BRWD3: variants seen among roughly 807,000 people sequenced by gnomAD.
BRWD3 encodes bromodomain and WD repeat-containing protein 3.
BRWD3 carries 10 observed loss-of-function variants against 149.7 expected under a neutral mutation model. The observed-to-expected ratio is 0.07, with a 90% CI of 0.04 to 0.11. BRWD3 has a LOEUF of 0.11. Among genes scored for constraint, BRWD3 ranks in the 10% least tolerant of loss-of-function variants. The pLI, the probability that BRWD3 is intolerant of heterozygous loss-of-function variation, is 1.00. For missense variants in BRWD3, 940 were observed against 1,373.2 expected, an observed-to-expected ratio of 0.68 and a Z score of 4.99; for synonymous variants, 504 against 456.7, an observed-to-expected ratio of 1.10 and a Z score of -1.32.
Position 80,745,693 on chromosome X carries a change from C to T in BRWD3, c.467G>A (p.Ser156Asn). Residue 156 changes from serine (S) to asparagine (N), a missense_variant, in exon 7 of 41, where the codon AGT (serine) becomes AAT (asparagine). By Grantham distance (46) the Ser-to-Asn change is conservative (BLOSUM62 1). Around this residue, in one of 6 missense-constraint regions of BRWD3, gnomAD observed 105 missense variants for 127.7 expected, o/e 0.82. Transcript: ENST00000373275. The stretch of plus-strand genomic sequence containing the variant: ...TGAAGGGAAAATATGACCAAAGCGA[C>T]TACAGCCGGTTAATTGCCTGGCAGA... ...ITSARQLTGC[S>N]RFGHIFPSSA... 1 of 1,208,817 alleles carries T rather than the reference C, an allele frequency of 8.3e-7. No homozygotes were observed. The highest frequency in any genetic ancestry group is 3.0e-5 in the East Asian group (1 of 33,643).
At chrX:80,737,486 C>T (rs775879537) in intron 8 of BRWD3, among the ~76,000 whole-genome samples, 5 of 111,618 alleles carry the variant, frequency 4.5e-5, no homozygotes, top group African/African-American at 9.8e-5. Flanking sequence ...GCAGAATCTA[C>T]GGATACAAAG....
At chrX:80,809,394 GC>G (rs752032544) in intron 1 of BRWD3, 46 bp downstream of exon 1, 2 of 1,115,000 alleles carry the variant, frequency 1.8e-6, no homozygotes, top group South Asian at 3.8e-5. Context: ...TTCGCGCTAA[GC>G]CCCCATTCCC....
chrX:80,768,092 A>C (rs1368116426), intron 6 of BRWD3, among the ~76,000 whole-genome samples: 1 of 111,887 alleles, frequency 8.9e-6, no homozygotes, highest in Non-Finnish European at 1.9e-5. Flanking sequence ...AAAAGACCAA[A>C]TCTACGTCTG....
At chrX:80,809,098 T>A (rs2074382562) in intron 2 of BRWD3, 56 bp from the exon 3 acceptor site, 1 of 1,161,400 alleles carries the variant, frequency 8.6e-7, no homozygotes, top group Non-Finnish European at 1.2e-6. Context: ...AACCCATTCC[T>A]CCCTCCACAC....
rs745662093 is a variant in BRWD3 at position 80,773,083 on chromosome X, C to G, written c.430+18771G>C. On this transcript the variant is annotated intron_variant, in intron 6 of 40. Coordinates refer to ENST00000373275, the MANE Select transcript of BRWD3 (RefSeq NM_153252.5). ...TTGACAAGATGGGGTAGGGGAGTCA[C>G]GCAGGAGGGAAGCCGATGTGGTTAT... Among the ~76,000 whole-genome samples, 3 of 111,855 alleles carry G rather than the reference C, an allele frequency of 2.7e-5. No individual in the cohort carries two copies. The Admixed American group carries it at 2.9e-4, about 11-fold the overall frequency.
At chrX:80,745,260 A>C (rs774567676) in intron 7 of BRWD3, among the ~76,000 whole-genome samples, 4 of 111,841 alleles carry the variant, frequency 3.6e-5, no homozygotes, top group South Asian at 7.4e-4. Flanking sequence ...ACATTTAATA[A>C]ATGTTTGTTA....
intron 4 of BRWD3, 132 bp from the exon 5 acceptor site, chrX:80,793,904 C>T (rs981713446): frequency 6.5e-5 from 46 of 704,413 alleles, no homozygotes; most frequent in Middle Eastern, 4.8e-4. Context: ...CAGGCCTGGG[C>T]GCGATGGCTC....
intron 3 of BRWD3, 120 bp from the exon 4 acceptor site, chrX:80,808,718 C>T (rs1483634455): frequency 1.8e-6 from 1 of 553,046 alleles, no homozygotes; most frequent in East Asian, 3.8e-5. Flanking sequence ...GTCTTTATTT[C>T]TCTCGGCCTG....
At chrX:80,744,381 C>T (rs1301353186) in intron 7 of BRWD3, 128 bp from the exon 8 acceptor site, 1 of 498,349 alleles carries the variant, frequency 2.0e-6, no homozygotes, top group African/African-American at 2.4e-5. Context: ...CTCCTCTCTA[C>T]ATATAATAGG....
chrX:80,758,691 A>G (rs1464836245), intron 6 of BRWD3, among the ~76,000 whole-genome samples: 1 of 110,954 alleles, frequency 9.0e-6, no homozygotes, highest in African/African-American at 3.3e-5. Context: ...CTGTAGTCTC[A>G]GCTACTCAGA....
At chrX:80,767,821 A>T (rs2073883314) in intron 6 of BRWD3, among the ~76,000 whole-genome samples, 1 of 111,731 alleles carries the variant, frequency 9.0e-6, no homozygotes, top group South Asian at 3.8e-4. Flanking sequence ...CAAGGAAGCT[A>T]AAAACTTTGA....
rs755270226 is a variant in BRWD3 at position 80,681,368 on chromosome X, G to A, written c.4627C>T (p.Arg1543Trp). 1.8e-5 allele frequency: 22 copies of A among 1,210,197 alleles called. No individual in the cohort carries two copies. Among genetic ancestry groups the A allele is most frequent in the East Asian group, 5.9e-5 (2 of 33,776 alleles). Residue 1543 changes from arginine to tryptophan, a missense_variant, in exon 40 of 41, where the codon CGG (arginine) becomes TGG (tryptophan). Arg to Trp is a moderately radical substitution (Grantham distance 101). Transcript: ENST00000373275. ...SHDPGKAKSFRNRVLPVKQDH... is the reference protein window; with the variant it reads ...SHDPGKAKSFWNRVLPVKQDH... ...TGTTTAACTGGCAAAACTCTATTCC[G>A]AAATGATTTGGCTTTCCCTGGGTCA...
chrX:80,798,841 T>C (rs1413617919), intron 4 of BRWD3, among the ~76,000 whole-genome samples: 1 of 111,560 alleles, frequency 9.0e-6, no homozygotes, highest in Admixed American at 9.6e-5. Flanking sequence ...AAAAGTTAAA[T>C]TATAGAATCT....
rs767908479 is a variant in BRWD3, at chrX:80,791,108, CA to C, written c.430+745del. Among the ~76,000 whole-genome samples, 8 of 112,321 alleles carry C rather than the reference CA, an allele frequency of 7.1e-5. No individual in the cohort carries two copies. In the East Asian group the frequency reaches 1.9e-3, roughly 27 times the overall value. On this transcript the variant is annotated intron_variant, in intron 6 of 40. Coordinates refer to ENST00000373275, the MANE Select transcript of BRWD3 (RefSeq NM_153252.5). ...TTACTTAACCTCTGAGGCTAAACTA[CA>C]TAAGCTTAATGTATAAGAAGTATTC...
chrX:80,696,323 T>C (rs2072691590), intron 26 of BRWD3, among the ~76,000 whole-genome samples: 1 of 111,125 alleles, frequency 9.0e-6, no homozygotes, highest in Non-Finnish European at 1.9e-5. Flanking sequence ...TTATTATTCC[T>C]ATTATTATTA....
rs1251151748 is a variant in BRWD3, at chrX:80,809,431, A to C, written c.31+10T>G. 1 of 1,078,842 alleles carries C rather than the reference A, an allele frequency of 9.3e-7. No homozygotes were observed. Among genetic ancestry groups the C allele is most frequent in the African/African-American group, 1.8e-5 (1 of 54,795 alleles). The allele number at this position is 1,078,842 out of a possible 1,213,427, so 88.9% of individuals were successfully genotyped here. A position where few individuals can be genotyped will look rare whatever the true frequency, so the allele number is the denominator to read the frequency against. ...TTAGCACCCCCCCACCCCCCGACAC[A>C]GCTACCCACCGGCTTCGATCTGGGT... On this transcript the variant is annotated intron_variant, in intron 1 of 40. Transcript: ENST00000373275.
intron 6 of BRWD3, among the ~76,000 whole-genome samples, chrX:80,788,937 G>A (rs890385114): frequency 8.9e-6 from 1 of 111,863 alleles, no homozygotes; most frequent in African/African-American, 3.3e-5. Context: ...TCCAGGGGTT[G>A]AGCAAACGAT....
In BRWD3 at chrX:80,723,754, G is replaced by A. The variant is rs766336734; in HGVS notation, c.1644C>T (p.Tyr548=). The part of the protein sequence containing the change: ...LLFGFGCSKY[Y]EKIPDQMFFH... ...AAAATTTAAATATGCTAACCTTTTC[G>A]TAGTATTTACTGCATCCAAAACCAA... The change falls in exon 16 of 41, where the codon TAC becomes TAT. Residue 548 remains tyrosine, a synonymous_variant. Transcript: ENST00000373275. 2.2e-5 allele frequency: 26 copies of A among 1,208,422 alleles called. No homozygotes were observed. Among genetic ancestry groups the A allele is most frequent in the African/African-American group, 8.7e-5 (5 of 57,165 alleles).
chrX:80,705,156 C>T (rs993537428), intron 22 of BRWD3, among the ~76,000 whole-genome samples: 2 of 110,021 alleles, frequency 1.8e-5, no homozygotes, highest in East Asian at 5.7e-4. Context: ...GTCCCAGCTA[C>T]TCAGGAAGCT....
Sources: allele counts gnomAD v4.1 joint callset (sites outside exome capture counted in the v4.1 genomes callset), GRCh38; gene constraint gnomAD v4.1.1; regional missense constraint gnomAD v4.1.1; transcripts MANE v1.5; gene names NCBI Gene and HGNC (gene_info 2026-07-23, HGNC 2026-07-21).